Variants in STEAP2 observed in about 807,000 individuals in gnomAD.
The protein encoded by STEAP2 is metalloreductase STEAP2.
A neutral mutation model predicts 46.4 loss-of-function variants in STEAP2; 30 were observed. That is an observed-to-expected ratio of 0.65 (90% confidence interval 0.48 to 0.88). STEAP2 has a LOEUF of 0.88. STEAP2 is among the 40% of genes least tolerant of loss of function. STEAP2 has a pLI of 0.00. For synonymous variants in STEAP2, 180 were observed against 200.5 expected (o/e 0.90, Z 0.86); for missense variants, 513 against 579.3 (o/e 0.89, Z 1.18).
intron 1 of STEAP2, among the ~76,000 whole-genome samples, chr7:90,212,545 CTTT>C (rs1306671326): frequency 6.6e-6 from 1 of 152,220 alleles, no homozygotes; most frequent in African/African-American, 2.4e-5. Context: ...TTGGCCTCTT[CTTT>C]GACTGTCCTA....
rs1382700450 is a variant in STEAP2, at chr7:90,234,556, T to TC, written c.*1932_*1933insC. 1 of 969,268 alleles carries TC rather than the reference T, an allele frequency of 1.0e-6. No homozygotes were observed. Among genetic ancestry groups the TC allele is most frequent in the Non-Finnish European group, 1.2e-6 (1 of 822,130 alleles). 60.0% of individuals were successfully genotyped at this position (969,268 alleles called of 1,614,324 possible). On this transcript the variant is annotated 3_prime_UTR_variant, in exon 6 of 6. Transcript: ENST00000394621. ...ATTATCTTGTACCCTCTTTTTTTTT[T>TC]TTTTTTTTTTTAAAGACAGAGTCTT... is the stretch of plus-strand genomic sequence containing the variant.
In STEAP2 at chr7:90,227,009, G is replaced by A. The variant is rs1479483397; in HGVS notation, c.531G>A (p.Gln177=). 2 of 1,609,646 alleles carry A rather than the reference G, an allele frequency of 1.2e-6. No homozygotes were observed. The highest frequency in any genetic ancestry group is 1.1e-5 in the South Asian group (1 of 90,110). The change falls in exon 4 of 6, where the codon CAG becomes CAA. Residue 177 remains glutamine (Q), a synonymous_variant. Coordinates refer to ENST00000394621, the MANE Select transcript of STEAP2 (RefSeq NM_001244944.2). ...GCAACAATATTCAAGCGCGACAACA[G>A]GTTATTGAACTTGCCCGCCAGTTGA... ...ICSNNIQARQ[Q]VIELARQLNF... is the part of the protein sequence containing the mutation.
Position 90,227,279 on chromosome 7 carries a change from C to T in STEAP2, c.801C>T (p.Leu267=), listed in dbSNP as rs919528835. Residue 267 remains leucine, a synonymous_variant, in exon 4 of 6, where the codon CTC becomes CTT. Coordinates refer to ENST00000394621, the MANE Select transcript of STEAP2 (RefSeq NM_001244944.2). ...TACCTATAGTTGCCATTACTTTGCT[C>T]TCCCTAGTATACCTCGCAGGTCTTC... is the stretch of plus-strand genomic sequence containing the variant. ...KTLPIVAITL[L]SLVYLAGLLA... is the part of the protein sequence containing the mutation. The T allele has an allele frequency of 6.8e-6, 11 of 1,613,774 alleles. No individual in the cohort carries two copies. Among genetic ancestry groups the T allele is most frequent in the East Asian group, 2.2e-5 (1 of 44,892 alleles).
intron 4 of STEAP2, among the ~76,000 whole-genome samples, chr7:90,228,201 G>C (rs1456187504): frequency 6.6e-6 from 1 of 152,172 alleles, no homozygotes; most frequent in Admixed American, 6.6e-5. Context: ...GGGTTTCCCT[G>C]AAGCTGTTTG....
chr7:90,232,386 T>C lies in STEAP2; in HGVS notation c.1235T>C (p.Ile412Thr). The C allele has an allele frequency of 1.2e-6, 2 of 1,613,332 alleles. No homozygotes were observed. The stretch of plus-strand genomic sequence containing the variant: ...CTCATAAGTACTTTCCATGTTTTAA[T>C]TTATGGATGGAAACGAGCTTTTGAG... ...ALLISTFHVL[I>T]YGWKRAFEEE... is the part of the protein sequence containing the mutation. The change falls in exon 6 of 6, where the codon ATT (isoleucine) becomes ACT (threonine). Residue 412 changes from isoleucine (I) to threonine (T), a missense_variant. Ile to Thr is a moderately conservative substitution (Grantham distance 89). Transcript: ENST00000394621.
chr7:90,233,929 T>A lies in STEAP2; in HGVS notation c.*1305T>A, dbSNP rs1795860886. 1.0e-6 allele frequency: 1 copy of A among 985,408 alleles called. No individual in the cohort carries two copies. Among genetic ancestry groups the A allele is most frequent in the Admixed American group, 6.1e-5 (1 of 16,286 alleles). 61.0% of individuals were successfully genotyped at this position (985,408 alleles called of 1,614,324 possible). A position where few individuals can be genotyped will look rare whatever the true frequency, so the allele number is the denominator to read the frequency against. On this transcript the variant is annotated 3_prime_UTR_variant, in exon 6 of 6. Coordinates refer to ENST00000394621, the MANE Select transcript of STEAP2 (RefSeq NM_001244944.2). The stretch of plus-strand genomic sequence containing the variant: ...TTACTGCTTGTAGGGTAATTCACAG[T>A]TACTTACCCTATTCTTGCTTGGAAC...
chr7:90,212,973 C>T (rs1203853254), intron 1 of STEAP2, among the ~76,000 whole-genome samples: 1 of 151,810 alleles, frequency 6.6e-6, no homozygotes, highest in Non-Finnish European at 1.5e-5. Flanking sequence ...TTTATTTTTT[C>T]TTTCTTTAAC....
At chr7:90,214,189 T>C (rs1288558200) in intron 1 of STEAP2, among the ~76,000 whole-genome samples, 1 of 152,092 alleles carries the variant, frequency 6.6e-6, no homozygotes, top group African/African-American at 2.4e-5. Context: ...TGGAGAGGGA[T>C]TTATGAAATA....
intron 4 of STEAP2, 91 bp from the exon 5 acceptor site, chr7:90,229,781 A>T: frequency 1.3e-6 from 2 of 1,525,470 alleles, no homozygotes; most frequent in Non-Finnish European, 1.8e-6. Context: ...TCCATATATG[A>T]CCAGGTTCTT....
intron 4 of STEAP2, 76 bp from the exon 5 acceptor site, chr7:90,229,796 T>C (rs1281845012): frequency 6.5e-7 from 1 of 1,544,962 alleles, no homozygotes; most frequent in Non-Finnish European, 8.7e-7. Flanking sequence ...GTTCTTCTTA[T>C]GCCAAGAGTG....
At position 90,234,871 on chromosome 7, in the gene STEAP2, A is replaced by C; in HGVS notation, c.*2247A>C. 3.0e-6 allele frequency: 3 copies of C among 984,880 alleles called. No individual in the cohort carries two copies. The highest frequency in any genetic ancestry group is 5.2e-4 in the Middle Eastern group (1 of 1,912). The allele number at this position is 984,880 out of a possible 1,614,324, so 61.0% of individuals were successfully genotyped here. A position where few individuals can be genotyped will look rare whatever the true frequency, so the allele number is the denominator to read the frequency against. On this transcript the variant is annotated 3_prime_UTR_variant, in exon 6 of 6. Coordinates refer to ENST00000394621, the MANE Select transcript of STEAP2 (RefSeq NM_001244944.2). Reference sequence around the variant, plus strand: ...CCGGCCTATTATCTTGTACTTTCTAACTGAGCCCTCTATTTTCTTTATTTT... The same window carrying C: ...CCGGCCTATTATCTTGTACTTTCTACCTGAGCCCTCTATTTTCTTTATTTT...
chr7:90,214,786 T>G (rs1791051134), intron 1 of STEAP2, among the ~76,000 whole-genome samples: 1 of 152,152 alleles, frequency 6.6e-6, no homozygotes, highest in Non-Finnish European at 1.5e-5. Context: ...AGTGTGAATA[T>G]TTAAACTAAG....
rs1318395330 is a variant in STEAP2 at position 90,227,267 on chromosome 7, C to T, written c.789C>T (p.Ala263=). 6.2e-7 allele frequency: 1 copy of T among 1,613,718 alleles called. No individual in the cohort carries two copies. Among genetic ancestry groups the T allele is most frequent in the African/African-American group, 1.3e-5 (1 of 74,868 alleles). Residue 263 remains alanine, a synonymous_variant, in exon 4 of 6, where the codon GCC becomes GCT. Coordinates refer to ENST00000394621, the MANE Select transcript of STEAP2 (RefSeq NM_001244944.2). ...TGAATAAAACCTTACCTATAGTTGC[C>T]ATTACTTTGCTCTCCCTAGTATACC... ...EIVNKTLPIV[A]ITLLSLVYLA... is the part of the protein sequence containing the mutation.
At chr7:90,212,271 C>G (rs887832155) in intron 1 of STEAP2, 2 of 152,550 alleles carry the variant, frequency 1.3e-5, no homozygotes, top group Admixed American at 6.5e-5. Context: ...CCTCTTGGTT[C>G]CTAGAGCTAA....
intron 4 of STEAP2, 24 bp from the exon 5 acceptor site, chr7:90,229,848 A>AATTCAC: frequency 6.2e-7 from 1 of 1,608,078 alleles, no homozygotes; most frequent in South Asian, 1.1e-5. Context: ...AAATAAAGGA[A>AATTCAC]ATTCACATTC....
chr7:90,237,021 T>C lies in STEAP2; in HGVS notation c.*4397T>C. On this transcript the variant is annotated 3_prime_UTR_variant, in exon 6 of 6. Coordinates refer to ENST00000394621, the MANE Select transcript of STEAP2 (RefSeq NM_001244944.2). ...CCTTGCAGTTAGGTGTACATGTGAC[T>C]GAGTGTTGGCCAGTGAGATGAAGTC... The C allele has an allele frequency of 6.5e-7, 1 of 1,542,862 alleles. No individual in the cohort carries two copies. The highest frequency in any genetic ancestry group is 1.1e-5 in the South Asian group (1 of 88,280).
rs756532785 is a variant in STEAP2 at position 90,236,970 on chromosome 7, G to A, written c.*4346G>A. On this transcript the variant is annotated 3_prime_UTR_variant, in exon 6 of 6. Coordinates refer to ENST00000394621, the MANE Select transcript of STEAP2 (RefSeq NM_001244944.2). Reference sequence around the variant, plus strand: ...CTATTGACTCTACTTCTTTAAAAGCGGCTGCCCATTACATTCCTCAGCTGT... The same window carrying A: ...CTATTGACTCTACTTCTTTAAAAGCAGCTGCCCATTACATTCCTCAGCTGT... The A allele has an allele frequency of 2.6e-5, 42 of 1,613,674 alleles. No homozygotes were observed. Among genetic ancestry groups the A allele is most frequent in the African/African-American group, 5.3e-5 (4 of 74,912 alleles).
At chr7:90,232,162 A>G (rs1362929400) in intron 5 of STEAP2, among the ~76,000 whole-genome samples, 175 bp from the exon 6 acceptor site, 1 of 151,900 alleles carries the variant, frequency 6.6e-6, no homozygotes, top group African/African-American at 2.4e-5. Context: ...ATATATATGC[A>G]TATATAAAAA....
At chr7:90,231,098 A>G (rs907564847) in intron 5 of STEAP2, among the ~76,000 whole-genome samples, 5 of 151,928 alleles carry the variant, frequency 3.3e-5, no homozygotes, top group Admixed American at 1.3e-4. Context: ...CACTATACTG[A>G]TGTAATATTA....
Sources: allele counts gnomAD v4.1 joint callset (sites outside exome capture counted in the v4.1 genomes callset), GRCh38; gene constraint gnomAD v4.1.1; transcripts MANE v1.5; gene names NCBI Gene and HGNC (gene_info 2026-07-23, HGNC 2026-07-21).